Variants in SEMA5A observed in about 807,000 individuals in gnomAD.
SEMA5A encodes the protein semaphorin-5A.
Under a neutral mutation model 135.5 loss-of-function variants are expected in SEMA5A, and 55 were observed. The observed-to-expected ratio is 0.41, with a 90% CI of 0.33 to 0.51. SEMA5A has a LOEUF of 0.51. SEMA5A is among the 20% of genes least tolerant of loss of function. SEMA5A has a pLI of 0.37. For missense variants in SEMA5A, 1,290 were observed against 1,419.9 expected, an observed-to-expected ratio of 0.91 and a Z score of 1.47; for synonymous variants, 580 against 546.5, an observed-to-expected ratio of 1.06 and a Z score of -0.85.
chr5:9,321,522 A>G (rs1220540694), intron 4 of SEMA5A, among the ~76,000 whole-genome samples: 1 of 152,178 alleles, frequency 6.6e-6, no homozygotes, highest in African/African-American at 2.4e-5. Context: ...GGAAGAAAGC[A>G]TTTCTTTCTA....
chr5:9,161,250 C>T (rs981607880), intron 11 of SEMA5A, among the ~76,000 whole-genome samples: 6 of 151,862 alleles, frequency 4.0e-5, no homozygotes, highest in Non-Finnish European at 5.9e-5. Flanking sequence ...GACCTGAACG[C>T]GGGAACTGGG....
At chr5:9,513,871 G>A (rs1323990123) in intron 1 of SEMA5A, among the ~76,000 whole-genome samples, 1 of 152,150 alleles carries the variant, frequency 6.6e-6, no homozygotes, top group Non-Finnish European at 1.5e-5. Context: ...TGAGATAGTG[G>A]AGTGGAACGT....
intron 1 of SEMA5A, among the ~76,000 whole-genome samples, chr5:9,456,218 A>G (rs1233275392): frequency 6.6e-6 from 1 of 152,176 alleles, no homozygotes; most frequent in Non-Finnish European, 1.5e-5. Flanking sequence ...ACACAGCTCG[A>G]CCCAGAGCTG....
intron 5 of SEMA5A, among the ~76,000 whole-genome samples, chr5:9,242,782 A>T (rs937298265): frequency 2.6e-5 from 4 of 152,268 alleles, no homozygotes; most frequent in African/African-American, 9.6e-5. Flanking sequence ...ATTTTTTTTT[A>T]AATGATCAAT....
chr5:9,483,556 A>G (rs1759961874), intron 1 of SEMA5A, among the ~76,000 whole-genome samples: 1 of 152,226 alleles, frequency 6.6e-6, no homozygotes, highest in African/African-American at 2.4e-5. Flanking sequence ...TGTACCATAA[A>G]CAAGTACAAC....
Position 9,520,956 on chromosome 5 carries a change from C to T in SEMA5A, c.-175+24628G>A, listed in dbSNP as rs541547611. 6.6e-5 allele frequency among the ~76,000 whole-genome samples: 10 copies of T among 152,310 alleles called. No homozygotes were observed. The South Asian group carries it at 1.0e-3, about 16-fold the overall frequency. ...AAAAAGTGAGGAAGTCAGAATAGAG[C>T]GTGGCCTTCAGTGAGTAATGATGCA... On this transcript the variant is annotated intron_variant, in intron 1 of 22. Coordinates refer to ENST00000382496, the MANE Select transcript of SEMA5A (RefSeq NM_003966.3).
chr5:9,197,368 A>G lies in SEMA5A; in HGVS notation c.933-65T>C, dbSNP rs563678268. The G allele has an allele frequency of 2.0e-4, 320 of 1,574,746 alleles. 1 individual carries two copies. Among genetic ancestry groups the G allele is most frequent in the Non-Finnish European group, 2.5e-4 (294 of 1,158,388 alleles). ...CGGCAGCACCTGCTGACCTCCCCCTATGGACTGGGCAGCAGCTGTGACCTA... is the reference window on the plus strand; with the variant it reads ...CGGCAGCACCTGCTGACCTCCCCCTGTGGACTGGGCAGCAGCTGTGACCTA... On this transcript the variant is annotated intron_variant, in intron 9 of 22. Transcript: ENST00000382496.
intron 11 of SEMA5A, among the ~76,000 whole-genome samples, chr5:9,162,440 GTGTATGTGTATATATA>G: frequency 7.2e-6 from 1 of 138,216 alleles, no homozygotes; most frequent in Admixed American, 7.4e-5. Context: ...GTATATATAT[GTGTATGTGTATATATA>G]TGTGTGTGTA....
intron 3 of SEMA5A, among the ~76,000 whole-genome samples, chr5:9,364,443 A>G (rs1053478161): frequency 5.3e-5 from 8 of 152,224 alleles, no homozygotes; most frequent in African/African-American, 1.4e-4. Flanking sequence ...CTGAAGGAGC[A>G]TAGCTTTTAT....
At chr5:9,096,872 C>G (rs562328120) in intron 16 of SEMA5A, among the ~76,000 whole-genome samples, 113 of 152,120 alleles carry the variant, frequency 7.4e-4, no homozygotes, top group Non-Finnish European at 1.5e-3. Flanking sequence ...CAGGAAAACA[C>G]AAATCAAAAC....
At chr5:9,048,658 A>C (rs1736399644) in intron 21 of SEMA5A, among the ~76,000 whole-genome samples, 1 of 151,850 alleles carries the variant, frequency 6.6e-6, no homozygotes, top group African/African-American at 2.4e-5. Flanking sequence ...GAGTTCCAAA[A>C]CCCTTCTCTA....
rs145913672 is a variant in SEMA5A, at chr5:9,493,792, T to A, written c.-175+51792A>T. Among the ~76,000 whole-genome samples the A allele has an allele frequency of 9.7e-4, 148 of 152,268 alleles. 1 individual carries two copies. Among genetic ancestry groups the A allele is most frequent in the African/African-American group, 3.3e-3 (136 of 41,562 alleles). On this transcript the variant is annotated intron_variant, in intron 1 of 22. Transcript: ENST00000382496. Reference sequence around the variant, plus strand: ...CTATCAGGAAGATGTCAGCAAAACATGAAGTGACACACACCAGCAGCCTCT... The same window carrying A: ...CTATCAGGAAGATGTCAGCAAAACAAGAAGTGACACACACCAGCAGCCTCT...
chr5:9,120,209 C>A (rs1230418437), intron 14 of SEMA5A, among the ~76,000 whole-genome samples: 10 of 151,976 alleles, frequency 6.6e-5, no homozygotes, highest in African/African-American at 2.4e-4. Flanking sequence ...ATATTTGTCA[C>A]CTTCATCCAT....
chr5:9,476,151 G>A (rs996411112), intron 1 of SEMA5A, among the ~76,000 whole-genome samples: 1 of 151,936 alleles, frequency 6.6e-6, no homozygotes, highest in African/African-American at 2.4e-5. Context: ...TATTTAACCA[G>A]GTCACTTCTG....
intron 5 of SEMA5A, among the ~76,000 whole-genome samples, chr5:9,296,520 A>G (rs1024037960): frequency 3.9e-5 from 6 of 152,272 alleles, no homozygotes; most frequent in Middle Eastern, 3.4e-3. Flanking sequence ...GAAATACTGT[A>G]CTTTTCACAA....
chr5:9,467,060 A>G (rs942724191), intron 1 of SEMA5A, among the ~76,000 whole-genome samples: 8 of 152,230 alleles, frequency 5.3e-5, no homozygotes, highest in African/African-American at 1.7e-4. Flanking sequence ...GGCCCTTCTC[A>G]TCTTTTGAGC....
chr5:9,246,449 A>G (rs1748485665), intron 5 of SEMA5A, among the ~76,000 whole-genome samples: 1 of 152,206 alleles, frequency 6.6e-6, no homozygotes, highest in African/African-American at 2.4e-5. Context: ...TTTACAACAT[A>G]CAATTATATC....
At chr5:9,200,753 A>G (rs925606808) in intron 9 of SEMA5A, among the ~76,000 whole-genome samples, 10 of 152,214 alleles carry the variant, frequency 6.6e-5, no homozygotes, top group South Asian at 4.1e-4. Context: ...GAGACCAGGA[A>G]GAGAAGGTTA....
intron 1 of SEMA5A, among the ~76,000 whole-genome samples, chr5:9,522,539 T>C (rs556978932): frequency 6.6e-6 from 1 of 152,128 alleles, no homozygotes; most frequent in Non-Finnish European, 1.5e-5. Flanking sequence ...ATTGCGCCAT[T>C]GCACTCCAGC....
Sources: allele counts gnomAD v4.1 joint callset (sites outside exome capture counted in the v4.1 genomes callset), GRCh38; gene constraint gnomAD v4.1.1; transcripts MANE v1.5; gene names NCBI Gene and HGNC (gene_info 2026-07-23, HGNC 2026-07-21).